EDA: variants seen among roughly 807,000 people sequenced by gnomAD.
The protein encoded by EDA is ectodysplasin-A.
In EDA, 2 loss-of-function variants were observed where a neutral mutation model predicts 23.6. The observed-to-expected ratio is 0.08, with a 90% CI of 0.03 to 0.27. The LOEUF (loss-of-function observed/expected upper bound fraction) is 0.27, where lower values mean the gene tolerates loss of function less well. Among genes scored for constraint, EDA ranks in the 10% least tolerant of loss-of-function variants. The pLI is 1.00. For synonymous variants in EDA, 131 were observed against 132.0 expected (o/e 0.99, Z 0.05); for missense variants, 229 against 324.2 (o/e 0.71, Z 2.26).
intron 1 of EDA, among the ~76,000 whole-genome samples, chrX:69,697,056 C>T (rs1226941863): frequency 9.0e-6 from 1 of 111,324 alleles, no homozygotes; most frequent in East Asian, 2.8e-4. Context: ...TGTATTGGTT[C>T]GAACCCCAGG....
intron 2 of EDA, among the ~76,000 whole-genome samples, chrX:70,016,066 A>C (rs1005841772): frequency 2.0e-4 from 22 of 111,498 alleles, no homozygotes; most frequent in East Asian, 2.8e-4. Context: ...ACAAAAAAAA[A>C]CAGGGATTGC....
chrX:69,665,490 A>T (rs1457777148), intron 1 of EDA, among the ~76,000 whole-genome samples: 3 of 111,765 alleles, frequency 2.7e-5, no homozygotes, highest in African/African-American at 9.7e-5. Flanking sequence ...TTATGGTATA[A>T]GCTAAAGATT....
At chrX:69,919,823 T>G (rs1474611620) in intron 1 of EDA, among the ~76,000 whole-genome samples, 2 of 112,045 alleles carry the variant, frequency 1.8e-5, no homozygotes, top group Non-Finnish European at 3.8e-5. Flanking sequence ...AAAAAGACAC[T>G]AAAAATAAAT....
chrX:70,022,317 T>C (rs1225744378), intron 2 of EDA, among the ~76,000 whole-genome samples: 1 of 109,497 alleles, frequency 9.1e-6, no homozygotes, highest in Non-Finnish European at 1.9e-5. Flanking sequence ...TGTCTTATTT[T>C]ATTTTATTTT....
intron 1 of EDA, among the ~76,000 whole-genome samples, chrX:69,783,791 C>A (rs745565341): frequency 4.6e-5 from 5 of 108,966 alleles, no homozygotes; most frequent in African/African-American, 3.3e-5. Context: ...ATTTATAGTC[C>A]TTTGGGTATA....
At chrX:69,831,160 A>G (rs1453582455) in intron 1 of EDA, among the ~76,000 whole-genome samples, 3 of 111,130 alleles carry the variant, frequency 2.7e-5, no homozygotes, top group Non-Finnish European at 5.7e-5. Flanking sequence ...GGTTTGCTGC[A>G]CCCATCAACT....
At chrX:69,679,678 A>T (rs1191242181) in intron 1 of EDA, among the ~76,000 whole-genome samples, 1 of 111,075 alleles carries the variant, frequency 9.0e-6, no homozygotes, top group East Asian at 2.8e-4. Flanking sequence ...CCTCTTTATC[A>T]TTTTTTATTG....
At chrX:69,942,228 C>G (rs1416467330) in intron 1 of EDA, among the ~76,000 whole-genome samples, 1 of 111,086 alleles carries the variant, frequency 9.0e-6, no homozygotes, top group African/African-American at 3.3e-5. Flanking sequence ...ATTTACACAC[C>G]AGAGTTACAA....
chrX:69,931,178 G>A (rs2018593161), intron 1 of EDA, among the ~76,000 whole-genome samples: 1 of 111,262 alleles, frequency 9.0e-6, no homozygotes, highest in Non-Finnish European at 1.9e-5. Flanking sequence ...GCAGAATAGT[G>A]AGCCAAGAAA....
At chrX:69,807,844 A>G (rs1358992865) in intron 1 of EDA, among the ~76,000 whole-genome samples, 1 of 111,542 alleles carries the variant, frequency 9.0e-6, no homozygotes, top group Admixed American at 9.6e-5. Context: ...GTGTGTCAGT[A>G]TAAAGAATAC....
intron 1 of EDA, among the ~76,000 whole-genome samples, chrX:69,934,822 C>T (rs186390678): frequency 3.1e-4 from 35 of 111,543 alleles, no homozygotes; most frequent in African/African-American, 8.8e-4. Flanking sequence ...TATTTTAAAA[C>T]GTACAATAAT....
intron 1 of EDA, among the ~76,000 whole-genome samples, chrX:69,821,484 C>T (rs2016222779): frequency 8.9e-6 from 1 of 111,818 alleles, no homozygotes; most frequent in Non-Finnish European, 1.9e-5. Flanking sequence ...TTTTCAAGTA[C>T]CATATATCTC....
At chrX:69,992,611 C>T (rs1040727598) in intron 2 of EDA, among the ~76,000 whole-genome samples, 36 of 112,053 alleles carry the variant, frequency 3.2e-4, no homozygotes, top group African/African-American at 9.4e-4. Flanking sequence ...TAAATGTTCT[C>T]ATACATGTCT....
At chrX:70,029,201 C>T (rs944129289) in intron 4 of EDA, among the ~76,000 whole-genome samples, 1 of 112,755 alleles carries the variant, frequency 8.9e-6, no homozygotes, top group African/African-American at 3.2e-5. Context: ...CAGGGTCACA[C>T]AGTGATGGGA....
chrX:69,716,056 T>C (rs766575674), intron 1 of EDA, among the ~76,000 whole-genome samples: 8 of 112,202 alleles, frequency 7.1e-5, no homozygotes, highest in Non-Finnish European at 1.5e-4. Context: ...TCTTTTGCTG[T>C]ACAGAAGCTC....
At chrX:70,002,104 C>T (rs1001459867) in intron 2 of EDA, among the ~76,000 whole-genome samples, 15 of 111,382 alleles carry the variant, frequency 1.3e-4, no homozygotes, top group Admixed American at 9.6e-5. Flanking sequence ...TGAGAGTTCC[C>T]GGTAACAGGA....
At chrX:69,854,159 A>G (rs2017193995) in intron 1 of EDA, among the ~76,000 whole-genome samples, 1 of 106,920 alleles carries the variant, frequency 9.4e-6, no homozygotes, top group African/African-American at 3.4e-5. Context: ...CCCACCCTCC[A>G]CCCTCCACCT....
chrX:69,987,967 AT>A (rs1297943118), intron 2 of EDA, among the ~76,000 whole-genome samples: 1 of 111,860 alleles, frequency 8.9e-6, no homozygotes, highest in East Asian at 2.8e-4. Flanking sequence ...AGGAGAATTA[AT>A]GGCTCAGTAT....
At chrX:69,842,732 T>G (rs1030973194) in intron 1 of EDA, among the ~76,000 whole-genome samples, 1 of 111,850 alleles carries the variant, frequency 8.9e-6, no homozygotes, top group African/African-American at 3.3e-5. Flanking sequence ...GGATGGATCC[T>G]TCATGAATGG....
Sources: allele counts gnomAD v4.1 joint callset (sites outside exome capture counted in the v4.1 genomes callset), GRCh38; gene constraint gnomAD v4.1.1; transcripts MANE v1.5; gene names NCBI Gene and HGNC (gene_info 2026-07-23, HGNC 2026-07-21).